Variants in NINL observed in about 807,000 individuals in gnomAD.
The protein encoded by NINL is ninein like.
In NINL, 153 loss-of-function variants were observed where a neutral mutation model predicts 160.3. The ratio of observed to expected loss-of-function variants is 0.95; its 90% CI spans 0.84 to 1.09. NINL has a LOEUF of 1.09. Ranked by LOEUF, NINL falls within the 50% of genes least tolerant of loss-of-function variation. The pLI, the probability that NINL is intolerant of heterozygous loss-of-function variation, is 0.00. For synonymous variants in NINL, 800 were observed against 734.8 expected (o/e 1.09, Z -1.43); for missense variants, 1,829 against 1,764.0 (o/e 1.04, Z -0.66).
chr20:25,526,125 C>T (rs78772967), intron 2 of NINL, among the ~76,000 whole-genome samples: 1,546 of 152,308 alleles, frequency 0.01, 11 homozygotes, highest in Non-Finnish European at 0.015. Context: ...TGGCCTATAC[C>T]AAACTCCTTC....
intron 12 of NINL, 93 bp downstream of exon 12, chr20:25,489,772 GCATTCTGTGA>G: frequency 1.2e-6 from 1 of 856,518 alleles, no homozygotes; most frequent in Non-Finnish European, 2.0e-6. Context: ...GGAGAATACC[GCATTCTGTGA>G]CCTGCCGCAT....
intron 19 of NINL, among the ~76,000 whole-genome samples, chr20:25,466,658 C>T (rs376108325): frequency 1.3e-5 from 2 of 151,806 alleles, no homozygotes; most frequent in South Asian, 2.1e-4. Flanking sequence ...AAATTAGCCA[C>T]GCATGGTGGT....
rs1423732606 is a variant in NINL at position 25,570,693 on chromosome 20, A to AATTT, written c.-12+14761_-12+14762insAAAT. ...AATGTCAGAGATCCTGGGCAAGTAG[A>AATTT]CTTTTTTTTTTTTTTTTTTTTTTTT... On this transcript the variant is annotated intron_variant, in intron 1 of 23. Transcript: ENST00000278886. 6.1e-4 allele frequency among the ~76,000 whole-genome samples: 45 copies of AATTT among 74,118 alleles called. 1 individual carries two copies. Among genetic ancestry groups the AATTT allele is most frequent in the East Asian group, 2.7e-3 (4 of 1,476 alleles). 48.6% of individuals were successfully genotyped at this position (74,118 alleles called of 152,430 possible).
intron 1 of NINL, among the ~76,000 whole-genome samples, chr20:25,568,653 C>T (rs1003793131): frequency 2.0e-5 from 3 of 152,030 alleles, no homozygotes; most frequent in South Asian, 4.2e-4. Context: ...TCGAGTGATC[C>T]TGCCACCTCA....
rs150896097 is a variant in NINL, at chr20:25,557,238, G to A, written c.-12+28217C>T. On this transcript the variant is annotated intron_variant, in intron 1 of 23. Coordinates refer to ENST00000278886, the MANE Select transcript of NINL (RefSeq NM_025176.6). ...GAGACCATATTAATAGACTTCAAGA[G>A]GTACAGTATTGGTCAGGTGTGGTGG... is the stretch of plus-strand genomic sequence containing the variant. 3.9e-5 allele frequency among the ~76,000 whole-genome samples: 6 copies of A among 152,170 alleles called. No individual in the cohort carries two copies. In the East Asian group the frequency reaches 1.2e-3, roughly 29 times the overall value.
chr20:25,570,528 C>T (rs2065042011), intron 1 of NINL, among the ~76,000 whole-genome samples: 3 of 152,094 alleles, frequency 2.0e-5, no homozygotes, highest in South Asian at 2.1e-4. Flanking sequence ...CAGCAGAAGC[C>T]GCTATGCTTC....
chr20:25,454,353 C>A (rs1406865495), intron 23 of NINL, among the ~76,000 whole-genome samples: 5 of 152,152 alleles, frequency 3.3e-5, no homozygotes, highest in Non-Finnish European at 7.4e-5. Flanking sequence ...AGGCCCTGGG[C>A]TGTGGCCTGT....
At chr20:25,479,956 C>T (rs185108764) in intron 15 of NINL, among the ~76,000 whole-genome samples, 2 of 152,340 alleles carry the variant, frequency 1.3e-5, no homozygotes. Flanking sequence ...ATCAGTCATC[C>T]TATGTCCTGT....
intron 1 of NINL, among the ~76,000 whole-genome samples, chr20:25,582,877 G>A (rs985674799): frequency 6.6e-6 from 1 of 151,998 alleles, no homozygotes; most frequent in African/African-American, 2.4e-5. Flanking sequence ...AACAAGCAAT[G>A]GGGAAAGGAT....
intron 1 of NINL, among the ~76,000 whole-genome samples, chr20:25,561,485 T>C (rs1442731022): frequency 2.1e-4 from 29 of 136,566 alleles, no homozygotes; most frequent in African/African-American, 6.9e-4. Flanking sequence ...CGTCTCTGCC[T>C]GGCCGCCCAT....
At chr20:25,554,112 T>C (rs1160949899) in intron 1 of NINL, among the ~76,000 whole-genome samples, 2 of 152,030 alleles carry the variant, frequency 1.3e-5, no homozygotes, top group African/African-American at 4.8e-5. Context: ...TCAGGCAACG[T>C]TCAGGAAGGG....
intron 1 of NINL, among the ~76,000 whole-genome samples, chr20:25,582,733 G>A (rs1181519832): frequency 6.6e-6 from 1 of 151,960 alleles, no homozygotes; most frequent in Non-Finnish European, 1.5e-5. Flanking sequence ...TAATATACAA[G>A]CATTCTTGCA....
At chr20:25,498,062 C>T (rs561207042) in intron 9 of NINL, 148 bp downstream of exon 9, 42 of 967,102 alleles carry the variant, frequency 4.3e-5, no homozygotes, top group Non-Finnish European at 5.4e-5. Flanking sequence ...CCAGAGAGCA[C>T]GGGACAGACA....
intron 20 of NINL, 79 bp from the exon 21 acceptor site, chr20:25,461,714 A>T: frequency 1.0e-6 from 1 of 981,898 alleles, no homozygotes; most frequent in South Asian, 1.4e-5. Context: ...AACCTCAGAA[A>T]ATTACAGAAA....
At chr20:25,463,914 G>A (rs1054208300) in intron 19 of NINL, among the ~76,000 whole-genome samples, 5 of 152,160 alleles carry the variant, frequency 3.3e-5, no homozygotes, top group South Asian at 2.1e-4. Flanking sequence ...CTTCCACCAC[G>A]ACATAAGCGT....
chr20:25,517,607 T>G (rs1008616056), intron 3 of NINL, 146 bp downstream of exon 3: 3 of 625,838 alleles, frequency 4.8e-6, no homozygotes, highest in Admixed American at 6.7e-5. Context: ...ACATCAAGTG[T>G]TTTTTCCAAG....
At chr20:25,572,755 T>C (rs903330888) in intron 1 of NINL, among the ~76,000 whole-genome samples, 4 of 152,190 alleles carry the variant, frequency 2.6e-5, no homozygotes, top group African/African-American at 9.6e-5. Context: ...ATATCCAAAA[T>C]ACACGGAAAA....
chr20:25,570,840 C>G (rs1033591560), intron 1 of NINL, among the ~76,000 whole-genome samples: 3 of 151,650 alleles, frequency 2.0e-5, no homozygotes, highest in African/African-American at 7.3e-5. Context: ...GTAGCTGGGA[C>G]TGCAGGCACA....
chr20:25,546,249 T>A (rs2064730709), intron 1 of NINL, among the ~76,000 whole-genome samples: 1 of 152,146 alleles, frequency 6.6e-6, no homozygotes, highest in Non-Finnish European at 1.5e-5. Flanking sequence ...TACACTTGAG[T>A]TTTTAAGGTT....
Sources: allele counts gnomAD v4.1 joint callset (sites outside exome capture counted in the v4.1 genomes callset), GRCh38; gene constraint gnomAD v4.1.1; transcripts MANE v1.5; gene names NCBI Gene and HGNC (gene_info 2026-07-23, HGNC 2026-07-21).